ERCC6: variants seen among roughly 807,000 people sequenced by gnomAD.
The protein encoded by ERCC6 is DNA excision repair protein ERCC-6.
Under a neutral mutation model 158.7 loss-of-function variants are expected in ERCC6, and 116 were observed. The observed-to-expected ratio is 0.73, with a 90% CI of 0.63 to 0.85. The LOEUF (loss-of-function observed/expected upper bound fraction) is 0.85. Among genes scored for constraint, ERCC6 ranks in the 40% least tolerant of loss-of-function variants. The pLI is 0.00. For synonymous variants in ERCC6, 678 were observed against 659.3 expected (o/e 1.03, Z -0.43); for missense variants, 1,698 against 1,799.4 (o/e 0.94, Z 1.02).
In ERCC6 at chr10:49,515,992, C is replaced by T. The variant is rs766553083; in HGVS notation, c.1397+8041G>A. The T allele has an allele frequency of 9.3e-5, 150 of 1,614,070 alleles. No homozygotes were observed. The highest frequency in any genetic ancestry group is 1.2e-4 in the Non-Finnish European group (146 of 1,180,042). On this transcript the variant is annotated intron_variant, in intron 5 of 20. Transcript: ENST00000355832. ...ACTCTGTCAATGTGATCCTTTCTCACTGTACCTGTTGCCTGATGTCCCATT... is the reference window on the plus strand; with the variant it reads ...ACTCTGTCAATGTGATCCTTTCTCATTGTACCTGTTGCCTGATGTCCCATT...
intron 10 of ERCC6, 138 bp from the exon 11 acceptor site, chr10:49,478,608 C>G (rs1471392805): frequency 1.4e-6 from 1 of 713,112 alleles, no homozygotes; most frequent in Non-Finnish European, 2.5e-6. Context: ...GAAATGATTG[C>G]AAAATGGTTT....
At chr10:49,501,314 GCA>G (rs1851351758) in intron 6 of ERCC6, 2 of 152,628 alleles carry the variant, frequency 1.3e-5, no homozygotes, top group Admixed American at 6.5e-5. Flanking sequence ...GCAAAAAAAA[GCA>G]CAGTTTAAAG....
chr10:49,453,159 TTTTAA>T (rs1257201872), downstream of ERCC6, among the ~76,000 whole-genome samples: 3 of 152,146 alleles, frequency 2.0e-5, no homozygotes, highest in African/African-American at 4.8e-5. Flanking sequence ...TAAGGTAGTA[TTTTAA>T]TTTGATTAAT....
At chr10:49,498,213 T>C (rs1164479336) in intron 7 of ERCC6, among the ~76,000 whole-genome samples, 4 of 152,212 alleles carry the variant, frequency 2.6e-5, no homozygotes, top group African/African-American at 9.6e-5. Context: ...ATGAAGTTTC[T>C]TGGTATCACA....
chr10:49,516,311 G>A (rs768762049), intron 5 of ERCC6: 1 of 1,614,002 alleles, frequency 6.2e-7, no homozygotes, highest in East Asian at 2.2e-5. Flanking sequence ...ATTCATCAAA[G>A]CTGAAATATG....
At position 49,523,919 on chromosome 10, in the gene ERCC6, A is replaced by T. The variant is rs948245162; in HGVS notation, c.1397+114T>A. The stretch of plus-strand genomic sequence containing the variant: ...AAGGCTGCAGAAATCCAACCTCTGT[A>T]TAATCGGGGGGGTCTAATATATTAA... On this transcript the variant is annotated intron_variant, in intron 5 of 20. Transcript: ENST00000355832. 5.2e-5 allele frequency: 77 copies of T among 1,476,968 alleles called. No individual in the cohort carries two copies. The Admixed American group carries it at 1.4e-3, about 27-fold the overall frequency. The allele number at this position is 1,476,968 out of a possible 1,614,324, so 91.5% of individuals were successfully genotyped here.
At position 49,532,740 on chromosome 10, in the gene ERCC6, G is replaced by A. The variant is rs760871378; in HGVS notation, c.225C>T (p.Ile75=). Residue 75 remains isoleucine (I), a synonymous_variant, in exon 2 of 21, where the codon ATC becomes ATT. Coordinates refer to ENST00000355832, the MANE Select transcript of ERCC6 (RefSeq NM_000124.4). ...CTACTGCCTGGATCTGATGTCGGTC[G>A]ATGTGCAGCAGGGCTGGCCCTCTCC... ...APRRGPALLH[I]DRHQIQAVEP... is the part of the protein sequence containing the mutation. 2.4e-5 allele frequency: 38 copies of A among 1,614,092 alleles called. No individual in the cohort carries two copies. Among genetic ancestry groups the A allele is most frequent in the Non-Finnish European group, 3.1e-5 (36 of 1,180,048 alleles).
the ERCC6 span, among the ~76,000 whole-genome samples, chr10:49,442,276 GC>G: frequency 6.6e-6 from 1 of 152,236 alleles, no homozygotes; most frequent in Non-Finnish European, 1.5e-5. Flanking sequence ...CTGCCTCAGC[GC>G]CCGGTGCGGG....
At chr10:49,454,196 G>A (rs533923786), downstream of ERCC6, among the ~76,000 whole-genome samples, 1 of 152,140 alleles carries the variant, frequency 6.6e-6, no homozygotes, top group African/African-American at 2.4e-5. Context: ...CCAGTTGGCT[G>A]ACAATTTCTT....
chr10:49,454,494 A>G lies in ERCC6; in HGVS notation c.*4321T>C, dbSNP rs747112820. On this transcript the variant is annotated 3_prime_UTR_variant, in exon 21 of 21. Coordinates refer to ENST00000355832, the MANE Select transcript of ERCC6 (RefSeq NM_000124.4). ...ATTTGGATTTTCTTGAATAAGCGTT[A>G]CTTTATTCTACATGCTTTTAGGACA... is the stretch of plus-strand genomic sequence containing the variant. 5.3e-5 allele frequency among the ~76,000 whole-genome samples: 8 copies of G among 152,158 alleles called. No homozygotes were observed. Among genetic ancestry groups the G allele is most frequent in the Non-Finnish European group, 1.0e-4 (7 of 68,018 alleles).
chr10:49,475,028 T>C (rs1351540926), intron 12 of ERCC6, among the ~76,000 whole-genome samples: 1 of 152,146 alleles, frequency 6.6e-6, no homozygotes, highest in Non-Finnish European at 1.5e-5. Context: ...AGATTAACAA[T>C]AAATGATCTG....
At chr10:49,509,910 G>A (rs1851505565) in intron 5 of ERCC6, among the ~76,000 whole-genome samples, 1 of 152,156 alleles carries the variant, frequency 6.6e-6, no homozygotes, top group African/African-American at 2.4e-5. Context: ...ACGAAGTGGT[G>A]GGCATGGTGT....
intron 18 of ERCC6, among the ~76,000 whole-genome samples, chr10:49,462,959 C>A (rs1442934602): frequency 2.0e-5 from 3 of 152,286 alleles, no homozygotes; most frequent in South Asian, 2.1e-4. Context: ...CTAGCAATTC[C>A]TCTTGTATAA....
chr10:49,452,984 A>G (rs1850437583), downstream of ERCC6, among the ~76,000 whole-genome samples: 1 of 152,116 alleles, frequency 6.6e-6, no homozygotes, highest in Non-Finnish European at 1.5e-5. Flanking sequence ...AGCATAGATA[A>G]CATAGAGTTG....
chr10:49,534,731 G>A lies in ERCC6; in HGVS notation c.-14-1753C>T, dbSNP rs987446681. On this transcript the variant is annotated intron_variant, in intron 1 of 20. Coordinates refer to ENST00000355832, the MANE Select transcript of ERCC6 (RefSeq NM_000124.4). ...TAATAAATATATTAAAAAGCAAAAC[G>A]ATAACCAAAAATCAGTCTTGCTTTT... Among the ~76,000 whole-genome samples the A allele has an allele frequency of 5.9e-5, 9 of 152,132 alleles. No homozygotes were observed. The South Asian group carries it at 6.2e-4, about 11-fold the overall frequency.
chr10:49,449,877 T>G (rs2132516347), downstream of ERCC6, among the ~76,000 whole-genome samples: 1 of 151,738 alleles, frequency 6.6e-6, no homozygotes, highest in Middle Eastern at 3.4e-3. Context: ...CTTGTTTTCT[T>G]TTTTCTTTTT....
At position 49,482,704 on chromosome 10, in the gene ERCC6, T is replaced by C; in HGVS notation, c.2152A>G (p.Asn718Asp). 6.2e-7 allele frequency: 1 copy of C among 1,613,906 alleles called. No individual in the cohort carries two copies. Among genetic ancestry groups the C allele is most frequent in the Non-Finnish European group, 8.5e-7 (1 of 1,179,888 alleles). The change falls in exon 10 of 21, where the codon AAT becomes GAT. Residue 718 changes from asparagine to aspartate, a missense_variant. Coordinates refer to ENST00000355832, the MANE Select transcript of ERCC6 (RefSeq NM_000124.4). Reference protein sequence around the residue: ...SVPITMGGYSNASPVQVKTAY... With the variant: ...SVPITMGGYSDASPVQVKTAY... ...TATTTTACCTGTACTGGGGAAGCAT[T>C]TGAATATCCCCCCATGGTGATGGGG... is the stretch of plus-strand genomic sequence containing the variant.
downstream of ERCC6, among the ~76,000 whole-genome samples, chr10:49,451,738 T>C (rs563625813): frequency 6.6e-6 from 1 of 152,312 alleles, no homozygotes; most frequent in Non-Finnish European, 1.5e-5. Flanking sequence ...GTAATATCTT[T>C]GAGCAGTTTT....
At chr10:49,480,485 A>C (rs1850957957) in intron 10 of ERCC6, among the ~76,000 whole-genome samples, 1 of 152,226 alleles carries the variant, frequency 6.6e-6, no homozygotes, top group Non-Finnish European at 1.5e-5. Flanking sequence ...AAAAAGGAGC[A>C]AATACAACCA....
Sources: gnomAD v4.1 joint callset for allele counts (sites outside exome capture counted in the v4.1 genomes callset) on GRCh38, gnomAD v4.1.1 for gene constraint, MANE v1.5 for transcripts, NCBI Gene and HGNC (gene_info 2026-07-23, HGNC 2026-07-21) for gene names.